The following DCLK2 variants were observed in gnomAD, a reference collection of about 807,000 sequenced individuals.
DCLK2 encodes the protein serine/threonine-protein kinase DCLK2.
Under a neutral mutation model 78.4 loss-of-function variants are expected in DCLK2, and 31 were observed. The ratio of observed to expected loss-of-function variants is 0.40; its 90% confidence interval spans 0.30 to 0.53. The LOEUF (loss-of-function observed/expected upper bound fraction) is 0.53. Ranked by LOEUF, DCLK2 falls within the 20% of genes least tolerant of loss-of-function variation. DCLK2 has a pLI of 0.61. For missense variants in DCLK2, 872 were observed against 973.7 expected, an observed-to-expected ratio of 0.90 and a Z score of 1.39; for synonymous variants, 407 against 374.9, an observed-to-expected ratio of 1.09 and a Z score of -0.99.
chr4:150,126,934 C>T (rs1386030755), intron 2 of DCLK2, among the ~76,000 whole-genome samples: 1 of 152,184 alleles, frequency 6.6e-6, no homozygotes, highest in Non-Finnish European at 1.5e-5. Context: ...CTTTGTCTCT[C>T]ATGATCTTTT....
chr4:150,146,942 A>G (rs1734515941), intron 2 of DCLK2, among the ~76,000 whole-genome samples: 1 of 151,786 alleles, frequency 6.6e-6, no homozygotes, highest in African/African-American at 2.4e-5. Flanking sequence ...GATGGAGATA[A>G]TGATGTATAC....
intron 12 of DCLK2, among the ~76,000 whole-genome samples, chr4:150,244,910 T>C (rs1158445830): frequency 6.6e-6 from 1 of 151,998 alleles, no homozygotes; most frequent in Non-Finnish European, 1.5e-5. Context: ...TTTTTAGCTA[T>C]TTATTAACAA....
chr4:150,200,216 T>A (rs758775791), intron 4 of DCLK2, among the ~76,000 whole-genome samples: 3 of 152,232 alleles, frequency 2.0e-5, no homozygotes, highest in Non-Finnish European at 4.4e-5. Flanking sequence ...TTATAATACT[T>A]AGAAACTGAT....
Position 150,230,688 on chromosome 4 carries a change from G to A in DCLK2, c.1300-1649G>A, listed in dbSNP as rs982445030. 7.2e-5 allele frequency among the ~76,000 whole-genome samples: 11 copies of A among 152,170 alleles called. 1 individual carries two copies. The highest frequency in any genetic ancestry group is 1.9e-4 in the African/African-American group (8 of 41,440). On this transcript the variant is annotated intron_variant, in intron 8 of 15. Coordinates refer to ENST00000296550, the MANE Select transcript of DCLK2 (RefSeq NM_001040260.4). ...GCTTCAAAATATGTGAATCAATGGA[G>A]AGGGTTTGCCAAGTCTTTTGTCTTT...
chr4:150,191,413 A>G (rs1272398058), intron 2 of DCLK2, among the ~76,000 whole-genome samples: 1 of 152,076 alleles, frequency 6.6e-6, no homozygotes, highest in Non-Finnish European at 1.5e-5. Flanking sequence ...TTCCAGGGCC[A>G]TGTCAGGAGT....
rs532839622 is a variant in DCLK2, at chr4:150,248,689, G to A, written c.1956+304G>A. Among the ~76,000 whole-genome samples the A allele has an allele frequency of 4.4e-4, 67 of 152,202 alleles. 2 individuals are homozygous for A. Among genetic ancestry groups the A allele is most frequent in the Non-Finnish European group, 8.4e-4 (57 of 68,018 alleles). ...CTCCTTCAGGAGGCTTTTAGCTCTCGTCTTCTGCGGTTTGGGGTTTGAGAG... is the reference window on the plus strand; with the variant it reads ...CTCCTTCAGGAGGCTTTTAGCTCTCATCTTCTGCGGTTTGGGGTTTGAGAG... On this transcript the variant is annotated intron_variant, in intron 14 of 15. Transcript: ENST00000296550.
intron 2 of DCLK2, among the ~76,000 whole-genome samples, chr4:150,186,795 G>A (rs1007169792): frequency 2.5e-4 from 38 of 152,150 alleles, no homozygotes; most frequent in African/African-American, 8.4e-4. Flanking sequence ...TGAGAGGCCA[G>A]AGTGAGAGGA....
chr4:150,163,371 C>G (rs979135890), intron 2 of DCLK2, among the ~76,000 whole-genome samples: 1 of 151,996 alleles, frequency 6.6e-6, no homozygotes, highest in Non-Finnish European at 1.5e-5. Context: ...GCACTCCAGC[C>G]TGGGTGACAG....
intron 15 of DCLK2, among the ~76,000 whole-genome samples, chr4:150,249,957 C>G (rs1338783612): frequency 6.6e-6 from 1 of 152,118 alleles, no homozygotes; most frequent in Non-Finnish European, 1.5e-5. Flanking sequence ...TGCTTCCACT[C>G]TTGTCTCTGC....
chr4:150,116,719 C>G (rs1732120490), intron 2 of DCLK2, among the ~76,000 whole-genome samples: 1 of 152,188 alleles, frequency 6.6e-6, no homozygotes, highest in Non-Finnish European at 1.5e-5. Context: ...TTGGCTTTCT[C>G]AAATGCCAGA....
At chr4:150,226,605 A>G (rs973330419) in intron 8 of DCLK2, among the ~76,000 whole-genome samples, 2 of 152,184 alleles carry the variant, frequency 1.3e-5, no homozygotes, top group Non-Finnish European at 2.9e-5. Context: ...GGTTGGAAAA[A>G]AAAGGTCTTT....
chr4:150,170,139 T>C (rs997663720), intron 2 of DCLK2, among the ~76,000 whole-genome samples: 3 of 152,324 alleles, frequency 2.0e-5, no homozygotes, highest in African/African-American at 7.2e-5. Flanking sequence ...CTGCAACTTC[T>C]ACCACCTGGG....
At chr4:150,146,054 CATCTTT>C (rs1265678094) in intron 2 of DCLK2, among the ~76,000 whole-genome samples, 1 of 152,162 alleles carries the variant, frequency 6.6e-6, no homozygotes, top group Non-Finnish European at 1.5e-5. Flanking sequence ...GCCTCCTGTT[CATCTTT>C]AAGTGCTGGA....
At chr4:150,172,019 G>A (rs1736567741) in intron 2 of DCLK2, among the ~76,000 whole-genome samples, 1 of 152,154 alleles carries the variant, frequency 6.6e-6, no homozygotes, top group Non-Finnish European at 1.5e-5. Context: ...TGTCTCTTAT[G>A]TTCTGCTTAA....
At chr4:150,147,803 G>C (rs1272872948) in intron 2 of DCLK2, among the ~76,000 whole-genome samples, 1 of 152,208 alleles carries the variant, frequency 6.6e-6, no homozygotes, top group Non-Finnish European at 1.5e-5. Context: ...CATTGCCAAT[G>C]CATTTTAGTC....
intron 2 of DCLK2, among the ~76,000 whole-genome samples, chr4:150,182,837 A>C (rs1580666679): frequency 6.6e-6 from 1 of 152,172 alleles, no homozygotes; most frequent in Non-Finnish European, 1.5e-5. Context: ...GTTCCTTCAA[A>C]TCCTTTTTAG....
chr4:150,079,502 T>TGGGCGTGAGCCGGCGCAGC (rs1729084589), intron 1 of DCLK2, 54 bp downstream of exon 1: 1 of 1,429,320 alleles, frequency 7.0e-7, no homozygotes. Flanking sequence ...GCAGGTGCAG[T>TGGGCGTGAGCCGGCGCAGC]GGGCGTGAGC....
At chr4:150,098,864 T>G (rs1730670552) in intron 1 of DCLK2, among the ~76,000 whole-genome samples, 1 of 151,886 alleles carries the variant, frequency 6.6e-6, no homozygotes, top group Non-Finnish European at 1.5e-5. Context: ...CCCGGCTAAT[T>G]TTTATATTTT....
chr4:150,194,837 C>G (rs1178773115), intron 3 of DCLK2, among the ~76,000 whole-genome samples: 2 of 151,888 alleles, frequency 1.3e-5, no homozygotes, highest in African/African-American at 4.8e-5. Context: ...GATACCTAGG[C>G]TTTTAAAATT....
Sources: gnomAD v4.1 joint callset for allele counts (sites outside exome capture counted in the v4.1 genomes callset) on GRCh38, gnomAD v4.1.1 for gene constraint, MANE v1.5 for transcripts, NCBI Gene and HGNC (gene_info 2026-07-23, HGNC 2026-07-21) for gene names.